The following TRABD2B variants were observed in gnomAD, a reference collection of about 807,000 sequenced individuals.
The protein encoded by TRABD2B is TraB domain containing 2B, also known as metalloprotease TIKI2.
Under a neutral mutation model 40.1 loss-of-function variants are expected in TRABD2B, and 14 were observed. The observed-to-expected ratio is 0.35, with a 90% CI of 0.23 to 0.55. The LOEUF (loss-of-function observed/expected upper bound fraction) is 0.55, where lower values mean the gene tolerates loss of function less well. Among genes scored for constraint, TRABD2B ranks in the 20% least tolerant of loss-of-function variants. TRABD2B has a pLI of 0.90. For synonymous variants in TRABD2B, 263 were observed against 277.0 expected, an observed-to-expected ratio of 0.95 and a Z score of 0.50; for missense variants, 541 against 648.6, an observed-to-expected ratio of 0.83 and a Z score of 1.80.
At position 47,787,035 on chromosome 1, in the gene TRABD2B, T is replaced by C. The variant is rs559707439; in HGVS notation, c.988+7551A>G. On this transcript the variant is annotated intron_variant, in intron 4 of 6. Transcript: ENST00000606738. ...CTTGTTTCCAAGGTGAAAAAGGCCC[T>C]ATATGGACGATGGCCGCTCTTCTGT... Among the ~76,000 whole-genome samples, 329 of 152,214 alleles carry C rather than the reference T, an allele frequency of 2.2e-3. 1 individual carries two copies. The highest frequency in any genetic ancestry group is 3.8e-3 in the Non-Finnish European group (257 of 68,016).
chr1:47,980,303 C>T (rs1645822983), intron 2 of TRABD2B, among the ~76,000 whole-genome samples: 1 of 152,148 alleles, frequency 6.6e-6, no homozygotes, highest in African/African-American at 2.4e-5. Flanking sequence ...ACACTAAAGC[C>T]AAACCAGGTA....
chr1:47,980,451 G>A (rs1645825035), intron 2 of TRABD2B, among the ~76,000 whole-genome samples: 1 of 152,188 alleles, frequency 6.6e-6, no homozygotes, highest in Non-Finnish European at 1.5e-5. Flanking sequence ...CCTGAGCTCT[G>A]CAAAGCCCCA....
chr1:47,809,308 C>A (rs1460782916), intron 2 of TRABD2B, among the ~76,000 whole-genome samples: 3 of 152,206 alleles, frequency 2.0e-5, no homozygotes, highest in African/African-American at 7.2e-5. Context: ...CTGTCTTCAT[C>A]TTGACTATGT....
rs561905880 is a variant in TRABD2B, at chr1:47,879,937, T to C, written c.667-78318A>G. Among the ~76,000 whole-genome samples the C allele has an allele frequency of 2.0e-5, 3 of 152,346 alleles. No homozygotes were observed. The South Asian group carries it at 6.2e-4, about 32-fold the overall frequency. ...TTCTCCCTCCCATTTTAGTCATCTG[T>C]GTTGATTCTTTGTCTGGAGTAACAA... On this transcript the variant is annotated intron_variant, in intron 2 of 6. Coordinates refer to ENST00000606738, the MANE Select transcript of TRABD2B (RefSeq NM_001194986.2).
At chr1:47,892,549 A>G (rs989087483) in intron 2 of TRABD2B, among the ~76,000 whole-genome samples, 1 of 152,362 alleles carries the variant, frequency 6.6e-6, no homozygotes, top group South Asian at 2.1e-4. Flanking sequence ...GGATAAGTAC[A>G]GAAAGAAGAG....
intron 2 of TRABD2B, among the ~76,000 whole-genome samples, chr1:47,869,462 C>T (rs1644109677): frequency 6.6e-6 from 1 of 152,214 alleles, no homozygotes; most frequent in African/African-American, 2.4e-5. Flanking sequence ...CCACGGTGGT[C>T]CGCAAAAGAA....
At chr1:47,839,742 A>T (rs1394423307) in intron 2 of TRABD2B, among the ~76,000 whole-genome samples, 1 of 152,212 alleles carries the variant, frequency 6.6e-6, no homozygotes, top group East Asian at 1.9e-4. Flanking sequence ...TGCTGTTACT[A>T]TAATGGCCAG....
At chr1:47,859,318 G>A (rs964145439) in intron 2 of TRABD2B, among the ~76,000 whole-genome samples, 6 of 152,268 alleles carry the variant, frequency 3.9e-5, no homozygotes, top group Non-Finnish European at 8.8e-5. Flanking sequence ...CACACTGGCT[G>A]GGAAACGGAT....
At chr1:47,804,033 A>G (rs539381953) in intron 2 of TRABD2B, among the ~76,000 whole-genome samples, 1 of 152,224 alleles carries the variant, frequency 6.6e-6, no homozygotes, top group Admixed American at 6.5e-5. Flanking sequence ...TAACATAGGC[A>G]ACAGGGCCAA....
At chr1:47,810,153 T>C (rs1049442833) in intron 2 of TRABD2B, among the ~76,000 whole-genome samples, 1 of 151,078 alleles carries the variant, frequency 6.6e-6, no homozygotes, top group African/African-American at 2.4e-5. Flanking sequence ...TGTGTGTGTG[T>C]GCGCGCGCGC....
intron 2 of TRABD2B, among the ~76,000 whole-genome samples, chr1:47,805,009 TGGAGCCTAGTTTGAGAA>T (rs1217125941): frequency 6.6e-6 from 1 of 152,202 alleles, no homozygotes; most frequent in African/African-American, 2.4e-5. Context: ...ACAGGTACCC[TGGAGCCTAGTTTGAGAA>T]CCACTGATCT....
rs1260404405 is a variant in TRABD2B at position 47,820,690 on chromosome 1, G to GTCCGTCTCCATCA, written c.667-19072_667-19071insTGATGGAGACGGA. ...GTGACTCAAGGGCCCACTTTCCCCT[G>GTCCGTCTCCATCA]TTGGTCTCATGTCCGTCCTCCATCA... On this transcript the variant is annotated intron_variant, in intron 2 of 6. Coordinates refer to ENST00000606738, the MANE Select transcript of TRABD2B (RefSeq NM_001194986.2). Among the ~76,000 whole-genome samples the GTCCGTCTCCATCA allele has an allele frequency of 3.9e-4, 59 of 152,002 alleles. No homozygotes were observed. In the East Asian group the frequency reaches 0.01, roughly 26 times the overall value.
At chr1:47,906,414 A>G (rs1173459453) in intron 2 of TRABD2B, among the ~76,000 whole-genome samples, 2 of 152,064 alleles carry the variant, frequency 1.3e-5, no homozygotes, top group Non-Finnish European at 2.9e-5. Context: ...ATTTGATTCA[A>G]TCCAGGCTTT....
intron 4 of TRABD2B, among the ~76,000 whole-genome samples, chr1:47,788,161 G>C (rs913873576): frequency 1.3e-5 from 2 of 152,202 alleles, no homozygotes; most frequent in African/African-American, 4.8e-5. Context: ...GGATGTGGAA[G>C]GGCCATATAA....
intron 2 of TRABD2B, among the ~76,000 whole-genome samples, chr1:47,982,666 G>C (rs766799139): frequency 2.0e-5 from 3 of 152,154 alleles, no homozygotes; most frequent in Admixed American, 6.5e-5. Context: ...CATATAACAG[G>C]CACCAAATAG....
intron 2 of TRABD2B, among the ~76,000 whole-genome samples, chr1:47,952,924 G>A (rs1163749248): frequency 6.6e-6 from 1 of 152,270 alleles, no homozygotes. Flanking sequence ...AGAGGAAGGT[G>A]CGGGTCTCCT....
rs577486259 is a variant in TRABD2B, at chr1:47,763,878, G to A, written c.*2024C>T. The A allele has an allele frequency of 1.3e-5, 2 of 152,366 alleles. No homozygotes were observed. The highest frequency in any genetic ancestry group is 4.8e-5 in the African/African-American group (2 of 41,574). 9.4% of individuals were successfully genotyped at this position (152,366 alleles called of 1,614,324 possible). A position where few individuals can be genotyped will look rare whatever the true frequency, so the allele number is the denominator to read the frequency against. ...CTAAGCCCCTTCCCGCTCAGAAATA[G>A]GAAGTCACATTTTTGCCAAGGATAA... is the stretch of plus-strand genomic sequence containing the variant. On this transcript the variant is annotated 3_prime_UTR_variant, in exon 7 of 7. Coordinates refer to ENST00000606738, the MANE Select transcript of TRABD2B (RefSeq NM_001194986.2).
chr1:47,954,411 C>T (rs891152505), intron 2 of TRABD2B, among the ~76,000 whole-genome samples: 4 of 152,136 alleles, frequency 2.6e-5, no homozygotes, highest in African/African-American at 7.2e-5. Context: ...GGCTGTGGCA[C>T]CACAGAGAAA....
At chr1:47,818,837 C>T (rs74376918) in intron 2 of TRABD2B, 3,605 of 152,350 alleles carry the variant, frequency 0.024, 113 homozygotes, top group Admixed American at 0.094. Flanking sequence ...TGGGATTTCA[C>T]ATCCTCTGGG....
Sources: gnomAD v4.1 joint callset for allele counts (sites outside exome capture counted in the v4.1 genomes callset) on GRCh38, gnomAD v4.1.1 for gene constraint, MANE v1.5 for transcripts, NCBI Gene and HGNC (gene_info 2026-07-23, HGNC 2026-07-21) for gene names.